The following PTCHD4 variants were observed in gnomAD, a reference collection of about 807,000 sequenced individuals.
PTCHD4 encodes patched domain containing 4, also known as patched domain-containing protein 4.
A neutral mutation model predicts 58.1 loss-of-function variants in PTCHD4; 33 were observed. The observed-to-expected ratio is 0.57, with a 90% CI of 0.43 to 0.76. PTCHD4 has a LOEUF of 0.76. Ranked by LOEUF, PTCHD4 falls within the 30% of genes least tolerant of loss-of-function variation. The pLI, the probability that PTCHD4 is intolerant of heterozygous loss-of-function variation, is 0.00. For missense variants in PTCHD4, 1,058 were observed against 1,027.1 expected (o/e 1.03, Z -0.41); for synonymous variants, 478 against 409.6 (o/e 1.17, Z -2.02).
chr6:48,004,233 T>G (rs1768858830), intron 4 of PTCHD4, among the ~76,000 whole-genome samples: 2 of 151,958 alleles, frequency 1.3e-5, no homozygotes, highest in African/African-American at 4.8e-5. Context: ...GAAAAATGAG[T>G]GAAAATCTGT....
Position 47,861,606 on chromosome 6 carries a change from T to C in PTCHD4, c.*16697A>G, listed in dbSNP as rs912153653. The stretch of plus-strand genomic sequence containing the variant: ...AAACAAAAAAATCAGTATAGCAACT[T>C]CTATTTATTATGGAAGACATGTTAA... On this transcript the variant is annotated 3_prime_UTR_variant, in exon 5 of 5. Coordinates refer to ENST00000339488, the MANE Select transcript of PTCHD4 (RefSeq NM_001384253.1). Among the ~76,000 whole-genome samples, 2 of 151,988 alleles carry C rather than the reference T, an allele frequency of 1.3e-5. No individual in the cohort carries two copies. The highest frequency in any genetic ancestry group is 4.8e-5 in the African/African-American group (2 of 41,430).
chr6:47,943,650 A>G (rs528577707), intron 4 of PTCHD4, among the ~76,000 whole-genome samples: 1 of 152,188 alleles, frequency 6.6e-6, no homozygotes, highest in Admixed American at 6.6e-5. Flanking sequence ...TTTTATTGGA[A>G]CATAGCCAAA....
At chr6:47,894,419 T>C (rs1764469191) in intron 4 of PTCHD4, among the ~76,000 whole-genome samples, 1 of 152,192 alleles carries the variant, frequency 6.6e-6, no homozygotes, top group Non-Finnish European at 1.5e-5. Flanking sequence ...TTATGCCAGG[T>C]TCAGTCCCCA....
At chr6:48,104,909 A>G (rs1422671793) in intron 1 of PTCHD4, among the ~76,000 whole-genome samples, 2 of 152,242 alleles carry the variant, frequency 1.3e-5, no homozygotes, top group African/African-American at 4.8e-5. Flanking sequence ...TAACTATCCT[A>G]AATATATATG....
chr6:48,074,291 GTTATAGAGCTGGTTAA>G (rs1484521659), intron 1 of PTCHD4, among the ~76,000 whole-genome samples: 2 of 152,210 alleles, frequency 1.3e-5, no homozygotes, highest in African/African-American at 4.8e-5. Flanking sequence ...AAGAACAGTA[GTTATAGAGCTGGTTAA>G]TTTAGAGACT....
At chr6:48,050,495 A>G (rs995332704) in intron 3 of PTCHD4, among the ~76,000 whole-genome samples, 1 of 152,056 alleles carries the variant, frequency 6.6e-6, no homozygotes, top group African/African-American at 2.4e-5. Flanking sequence ...CAGTAGGAAT[A>G]CTGGATCCAT....
At chr6:47,953,075 G>GAGGATA (rs1242561801) in intron 4 of PTCHD4, among the ~76,000 whole-genome samples, 2 of 151,504 alleles carry the variant, frequency 1.3e-5, no homozygotes, top group South Asian at 4.2e-4. Flanking sequence ...GTGATAGGAT[G>GAGGATA]AGGATGATGA....
intron 4 of PTCHD4, among the ~76,000 whole-genome samples, chr6:48,005,935 A>G (rs1455713984): frequency 6.6e-6 from 1 of 152,226 alleles, no homozygotes; most frequent in Non-Finnish European, 1.5e-5. Context: ...AAAACCTAGC[A>G]GAGTGTTCCT....
At chr6:48,058,138 C>T (rs1487272212) in intron 3 of PTCHD4, among the ~76,000 whole-genome samples, 2 of 152,204 alleles carry the variant, frequency 1.3e-5, no homozygotes, top group Admixed American at 1.3e-4. Flanking sequence ...AGATGGGATC[C>T]ATGAAATCAG....
intron 4 of PTCHD4, among the ~76,000 whole-genome samples, chr6:47,954,795 T>G (rs189034464): frequency 1.3e-4 from 20 of 152,286 alleles, no homozygotes; most frequent in Admixed American, 1.2e-3. Context: ...TATTTACCCA[T>G]CCCTTGGCTA....
chr6:47,980,681 CAAAGT>C (rs1767855232), intron 4 of PTCHD4, among the ~76,000 whole-genome samples: 1 of 151,524 alleles, frequency 6.6e-6, no homozygotes, highest in Admixed American at 6.6e-5. Flanking sequence ...GATAAAGTTT[CAAAGT>C]AATTATTTTA....
Position 48,046,848 on chromosome 6 carries a change from C to T in PTCHD4, c.417+21382G>A, listed in dbSNP as rs533748720. On this transcript the variant is annotated intron_variant, in intron 3 of 4. Transcript: ENST00000339488. ...TTAATTAAGTTGTTCCTCTTTGGGG[C>T]ATATTAAAACAATCTGGGTTATTAA... Among the ~76,000 whole-genome samples the T allele has an allele frequency of 1.4e-4, 21 of 151,910 alleles. No homozygotes were observed. In the East Asian group the frequency reaches 3.5e-3, roughly 25 times the overall value.
chr6:47,926,182 C>G (rs746828182), intron 4 of PTCHD4, among the ~76,000 whole-genome samples: 6 of 152,130 alleles, frequency 3.9e-5, no homozygotes, highest in Non-Finnish European at 8.8e-5. Flanking sequence ...AGATGAGGAG[C>G]AAAGGTGAGT....
rs183909188 is a variant in PTCHD4 at position 47,936,388 on chromosome 6, T to G, written c.899-56452A>C. Among the ~76,000 whole-genome samples, 179 of 152,324 alleles carry G rather than the reference T, an allele frequency of 1.2e-3. 1 individual carries two copies. The highest frequency in any genetic ancestry group is 1.4e-3 in the Non-Finnish European group (97 of 68,028). Reference sequence around the variant, plus strand: ...AAAGTGTTTCAGTTTAGATGGTAAATTTTATGGTCCCTTCTTTATTAAACA... The same window carrying G: ...AAAGTGTTTCAGTTTAGATGGTAAAGTTTATGGTCCCTTCTTTATTAAACA... On this transcript the variant is annotated intron_variant, in intron 4 of 4. Coordinates refer to ENST00000339488, the MANE Select transcript of PTCHD4 (RefSeq NM_001384253.1).
chr6:48,021,546 CCAAA>C (rs2114111993), intron 3 of PTCHD4, among the ~76,000 whole-genome samples: 1 of 152,200 alleles, frequency 6.6e-6, no homozygotes, highest in East Asian at 1.9e-4. Context: ...ATTTGACCAA[CCAAA>C]CAATAATTAT....
Position 48,008,824 on chromosome 6 carries a change from C to T in PTCHD4, c.708G>A (p.Val236=), listed in dbSNP as rs372931604. 2 of 1,613,914 alleles carry T rather than the reference C, an allele frequency of 1.2e-6. No individual in the cohort carries two copies. Among genetic ancestry groups the T allele is most frequent in the Non-Finnish European group, 1.7e-6 (2 of 1,179,912 alleles). Reference sequence around the variant, plus strand: ...CTGTGGTCAGGATCAGCACGAGGCTCACCAGGACCTTGCTTCTGGCCAGGA... The same window carrying T: ...CTGTGGTCAGGATCAGCACGAGGCTTACCAGGACCTTGCTTCTGGCCAGGA... ...TSILARSKVL[V]SLVLILTTAT... Residue 236 remains valine (V), a synonymous_variant, in exon 4 of 5, where the codon GTG becomes GTA. Transcript: ENST00000339488.
chr6:47,940,917 C>A (rs1022452814), intron 4 of PTCHD4, among the ~76,000 whole-genome samples: 1 of 152,100 alleles, frequency 6.6e-6, no homozygotes, highest in Admixed American at 6.5e-5. Context: ...CCCATAGCAC[C>A]CATTCCAATG....
At chr6:47,911,304 T>C (rs1581865086) in intron 4 of PTCHD4, among the ~76,000 whole-genome samples, 1 of 152,086 alleles carries the variant, frequency 6.6e-6, no homozygotes, top group African/African-American at 2.4e-5. Context: ...CTTCTGTATG[T>C]AAGCCACTAT....
intron 4 of PTCHD4, among the ~76,000 whole-genome samples, chr6:47,950,635 T>C (rs150276924): frequency 0.017 from 2,565 of 152,248 alleles, 256 homozygotes; most frequent in Admixed American, 0.15. Flanking sequence ...GTGATGCTTA[T>C]TAGACATCTA....
Sources: gnomAD v4.1 joint callset for allele counts (sites outside exome capture counted in the v4.1 genomes callset) on GRCh38, gnomAD v4.1.1 for gene constraint, MANE v1.5 for transcripts, NCBI Gene and HGNC (gene_info 2026-07-23, HGNC 2026-07-21) for gene names.